ACAD10: variants seen among roughly 807,000 people sequenced by gnomAD.
ACAD10 encodes acyl-CoA dehydrogenase family member 10.
Under a neutral mutation model 116.8 loss-of-function variants are expected in ACAD10, and 112 were observed. The ratio of observed to expected loss-of-function variants is 0.96; its 90% confidence interval spans 0.82 to 1.12. The LOEUF is 1.12. Among genes scored for constraint, ACAD10 ranks in the 50% most tolerant of loss-of-function variants. The pLI is 0.00. For synonymous variants in ACAD10, 486 were observed against 510.6 expected (o/e 0.95, Z 0.65); for missense variants, 1,259 against 1,350.2 (o/e 0.93, Z 1.06).
intron 14 of ACAD10, among the ~76,000 whole-genome samples, 191 bp downstream of exon 14, chr12:111,746,475 C>G (rs527906192): frequency 2.6e-5 from 4 of 152,164 alleles, no homozygotes; most frequent in African/African-American, 9.6e-5. Flanking sequence ...GCAACCCCTG[C>G]CTCCTGGGTT....
intron 7 of ACAD10, among the ~76,000 whole-genome samples, chr12:111,720,778 A>ATTTAT (rs1555257751): frequency 2.6e-5 from 4 of 151,108 alleles, no homozygotes; most frequent in South Asian, 2.1e-4. Context: ...TATTTCTTTT[A>ATTTAT]TTTATTTTAT....
intron 3 of ACAD10, among the ~76,000 whole-genome samples, chr12:111,704,309 T>G (rs1414035151): frequency 6.6e-6 from 1 of 151,728 alleles, no homozygotes; most frequent in East Asian, 2.0e-4. Flanking sequence ...CTCCAGCCAA[T>G]TTTTGTATTT....
chr12:111,701,256 G>A (rs1426774906), intron 2 of ACAD10, among the ~76,000 whole-genome samples: 1 of 152,174 alleles, frequency 6.6e-6, no homozygotes, highest in Non-Finnish European at 1.5e-5. Flanking sequence ...ATTATAGACA[G>A]AAAAAGCAAC....
rs1197525000 is a variant in ACAD10, at chr12:111,690,802, GTT to G, written c.-13-1893_-13-1892del. 3.4e-5 allele frequency among the ~76,000 whole-genome samples: 5 copies of G among 146,926 alleles called. No homozygotes were observed. In the South Asian group the frequency reaches 1.1e-3, roughly 31 times the overall value. ...TCTCAAAAAAAAAAAAAAAAAAAGA[GTT>G]TCTGATTTTGGAGCATTTCAGATGT... On this transcript the variant is annotated intron_variant, in intron 1 of 20. Coordinates refer to ENST00000313698, the MANE Select transcript of ACAD10 (RefSeq NM_025247.6).
At chr12:111,746,015 AT>A in intron 13 of ACAD10, 128 bp from the exon 14 acceptor site, 11 of 1,202,240 alleles carry the variant, frequency 9.1e-6, no homozygotes, top group Admixed American at 5.2e-5. Context: ...TCCTCATATC[AT>A]TTTTTTGGGC....
intron 12 of ACAD10, 33 bp downstream of exon 12, chr12:111,737,037 G>A (rs1003724592): frequency 6.9e-6 from 11 of 1,605,662 alleles, no homozygotes; most frequent in South Asian, 5.6e-5. Flanking sequence ...GAGCCACTGC[G>A]GGGTGAGTCA....
At chr12:111,705,676 TGGCC>T in intron 3 of ACAD10, 58 bp from the exon 4 acceptor site, 1 of 1,463,268 alleles carries the variant, frequency 6.8e-7, no homozygotes, top group Non-Finnish European at 9.3e-7. Context: ...TTTTTTCTGT[TGGCC>T]ATGAGTGTTT....
intron 3 of ACAD10, among the ~76,000 whole-genome samples, chr12:111,702,846 C>A (rs1888389378): frequency 6.6e-6 from 1 of 152,130 alleles, no homozygotes. Flanking sequence ...GTAACTTCAG[C>A]ACTTTGGGAG....
intron 2 of ACAD10, among the ~76,000 whole-genome samples, chr12:111,696,090 C>T (rs971362542): frequency 3.3e-5 from 5 of 150,080 alleles, no homozygotes; most frequent in African/African-American, 4.9e-5. Flanking sequence ...GAGATGGGAT[C>T]GCGCTCTGTT....
In ACAD10 at chr12:111,715,262, T is replaced by C. The variant is rs374329178; in HGVS notation, c.851-559T>C. On this transcript the variant is annotated intron_variant, in intron 6 of 20. Transcript: ENST00000313698. ...GTCTTCTTATGGAGCTGAGAATGAA[T>C]TAGTTTCACCTCAGCCAGGATCCTG... Among the ~76,000 whole-genome samples, 18 of 152,342 alleles carry C rather than the reference T, an allele frequency of 1.2e-4. No homozygotes were observed. The South Asian group carries it at 3.7e-3, about 32-fold the overall frequency.
Position 111,692,828 on chromosome 12 carries a change from G to GC in ACAD10, c.120dup (p.Thr41HisfsTer44). On this transcript the variant is annotated frameshift_variant, in exon 2 of 21. Transcript: ENST00000313698. LOFTEE classifies it high-confidence loss of function. ...CACCGATGGACACACCTTGGAGGCA[G>GC]CACCTACAGAGCGGTGATTTTCGAC... 6.2e-7 allele frequency: 1 copy of GC among 1,614,232 alleles called. No homozygotes were observed. The highest frequency in any genetic ancestry group is 1.1e-5 in the South Asian group (1 of 91,084).
At chr12:111,745,586 C>CTT in intron 13 of ACAD10, 1 of 157,524 alleles carries the variant, frequency 6.3e-6, no homozygotes, top group Non-Finnish European at 1.4e-5. Flanking sequence ...CTTTTTTTCT[C>CTT]TTTTTTTTTG....
chr12:111,715,953 G>A lies in ACAD10; in HGVS notation c.983G>A (p.Arg328Lys). The change falls in exon 7 of 21, where the codon AGG (arginine) becomes AAG (lysine). Residue 328 changes from arginine to lysine, a missense_variant. Transcript: ENST00000313698. ...TLLPSAHAIE[R>K]EFRIMKALAN... The stretch of plus-strand genomic sequence containing the variant: ...CTTCCATCTGCCCATGCCATAGAGA[G>A]GGAGTTCAGGTAAGTTTTCAGGGCC... 6.2e-7 allele frequency: 1 copy of A among 1,613,940 alleles called. No individual in the cohort carries two copies. The highest frequency in any genetic ancestry group is 2.2e-5 in the East Asian group (1 of 44,884).
At chr12:111,701,070 G>A (rs1455225601) in intron 2 of ACAD10, among the ~76,000 whole-genome samples, 1 of 151,770 alleles carries the variant, frequency 6.6e-6, no homozygotes, top group Non-Finnish European at 1.5e-5. Flanking sequence ...ACTTTCTTTT[G>A]CATAGTTTTC....
chr12:111,707,563 G>A (rs1172059137), intron 4 of ACAD10, among the ~76,000 whole-genome samples: 1 of 152,134 alleles, frequency 6.6e-6, no homozygotes, highest in Non-Finnish European at 1.5e-5. Flanking sequence ...AGGATATTCT[G>A]AGTCAGTGCA....
chr12:111,747,232 C>G (rs375978316), intron 15 of ACAD10, 46 bp downstream of exon 15: 1 of 1,609,702 alleles, frequency 6.2e-7, no homozygotes, highest in Non-Finnish European at 8.5e-7. Context: ...CTGTTGTTGT[C>G]GGCCCCACAG....
chr12:111,737,294 T>C (rs1350295630), intron 12 of ACAD10, among the ~76,000 whole-genome samples: 2 of 152,204 alleles, frequency 1.3e-5, no homozygotes, highest in East Asian at 3.8e-4. Context: ...GCGATTCTCC[T>C]GCCTCAGCCT....
At chr12:111,743,696 A>G (rs150311449) in intron 12 of ACAD10, among the ~76,000 whole-genome samples, 8 of 152,074 alleles carry the variant, frequency 5.3e-5, no homozygotes, top group African/African-American at 1.7e-4. Context: ...TAAGACTTGC[A>G]GAGTTCTACA....
At chr12:111,689,245 A>AAT (rs1887970456) in intron 1 of ACAD10, among the ~76,000 whole-genome samples, 1 of 151,766 alleles carries the variant, frequency 6.6e-6, no homozygotes, top group South Asian at 2.1e-4. Context: ...AAAATATATA[A>AAT]ATATATATAC....
Sources: gnomAD v4.1 joint callset for allele counts (sites outside exome capture counted in the v4.1 genomes callset) on GRCh38, gnomAD v4.1.1 for gene constraint, MANE v1.5 for transcripts, NCBI Gene and HGNC (gene_info 2026-07-23, HGNC 2026-07-21) for gene names.